PCDH11X: variants seen among roughly 807,000 people sequenced by gnomAD.
PCDH11X encodes the protein protocadherin 11 X-linked.
In PCDH11X, 18 loss-of-function variants were observed where a neutral mutation model predicts 53.3. That is an observed-to-expected ratio of 0.34 (90% CI 0.23 to 0.50). The LOEUF (loss-of-function observed/expected upper bound fraction) is 0.50. PCDH11X is among the 20% of genes least tolerant of loss of function. The pLI, the probability that PCDH11X is intolerant of heterozygous loss-of-function variation, is 0.98. For synonymous variants in PCDH11X, 279 were observed against 393.3 expected, an observed-to-expected ratio of 0.71 and a Z score of 3.44; for missense variants, 570 against 1,032.4, an observed-to-expected ratio of 0.55 and a Z score of 6.14.
intron 10 of PCDH11X, among the ~76,000 whole-genome samples, chrX:92,504,907 TG>T (rs1208430782): frequency 2.2e-5 from 2 of 91,935 alleles, no homozygotes; most frequent in Non-Finnish European, 4.8e-5. Context: ...TTCATATGCT[TG>T]TTGGCCAAGT....
At chrX:92,191,109 A>G (rs1035963317) in intron 6 of PCDH11X, among the ~76,000 whole-genome samples, 4 of 111,814 alleles carry the variant, frequency 3.6e-5, no homozygotes, top group Non-Finnish European at 7.5e-5. Flanking sequence ...ATTTGCCCCA[A>G]TTAAGCTAAC....
chrX:92,596,730 C>G (rs1317042428), intron 10 of PCDH11X, among the ~76,000 whole-genome samples: 1 of 109,521 alleles, frequency 9.1e-6, no homozygotes, highest in Non-Finnish European at 1.9e-5. Flanking sequence ...AGCATGATAA[C>G]AAAGCCAGTC....
At chrX:91,944,023 T>TTGTGTGTGTGTGTGTGTGTG (rs755497548) in intron 6 of PCDH11X, among the ~76,000 whole-genome samples, 7 of 63,939 alleles carry the variant, frequency 1.1e-4, no homozygotes, top group Non-Finnish European at 1.8e-4. Flanking sequence ...ATCTCCTGGA[T>TTGTGTGTGTGTGTGTGTGTG]TGTGTGTGTG....
chrX:92,458,500 A>AT (rs1439334462), intron 9 of PCDH11X, among the ~76,000 whole-genome samples: 1 of 111,163 alleles, frequency 9.0e-6, no homozygotes, highest in Non-Finnish European at 1.9e-5. Flanking sequence ...GTTTGTACAC[A>AT]TTAACTATCT....
intron 9 of PCDH11X, 77 bp downstream of exon 9, chrX:92,388,010 A>T: frequency 8.4e-7 from 1 of 1,186,377 alleles, no homozygotes; most frequent in Non-Finnish European, 1.1e-6. Context: ...AGCCATAATA[A>T]CATGGGCTAA....
chrX:92,188,449 A>T (rs764495), intron 6 of PCDH11X, among the ~76,000 whole-genome samples: 46,176 of 109,923 alleles, frequency 0.42, 6,974 homozygotes, highest in Admixed American at 0.6. Context: ...AAGAAAACTT[A>T]TCTTGAAGAT....
At chrX:91,960,793 T>C (rs2061777383) in intron 6 of PCDH11X, among the ~76,000 whole-genome samples, 1 of 111,191 alleles carries the variant, frequency 9.0e-6, no homozygotes, top group Non-Finnish European at 1.9e-5. Context: ...GGTGCACTTT[T>C]ATTTTGAGGG....
At chrX:91,911,532 A>T (rs1477033270) in intron 6 of PCDH11X, among the ~76,000 whole-genome samples, 1 of 106,992 alleles carries the variant, frequency 9.3e-6, no homozygotes, top group Non-Finnish European at 1.9e-5. Context: ...TCCCTTTGTT[A>T]TGCTATCAAG....
chrX:92,425,200 T>A (rs1168215319), intron 9 of PCDH11X, among the ~76,000 whole-genome samples: 1 of 111,067 alleles, frequency 9.0e-6, no homozygotes, highest in African/African-American at 3.3e-5. Context: ...GATGGACAAC[T>A]TGATTGCTAT....
chrX:91,787,046 T>C (rs1935358143), intron 1 of PCDH11X, among the ~76,000 whole-genome samples: 1 of 107,867 alleles, frequency 9.3e-6, no homozygotes, highest in South Asian at 4.2e-4. Flanking sequence ...TGATATTAAA[T>C]AAAATGGTAG....
rs746140845 is a variant in PCDH11X, at chrX:91,963,293, C to T, written c.3033+84020C>T. Reference sequence around the variant, plus strand: ...TTAATGCTTTTAACAGCACCCACATCACCTCTTGAATGATTTACTACTTAC... The same window carrying T: ...TTAATGCTTTTAACAGCACCCACATTACCTCTTGAATGATTTACTACTTAC... On this transcript the variant is annotated intron_variant, in intron 6 of 10. Coordinates refer to ENST00000682573, the MANE Select transcript of PCDH11X (RefSeq NM_032968.5). Among the ~76,000 whole-genome samples the T allele has an allele frequency of 9.0e-5, 10 of 111,227 alleles. No individual in the cohort carries two copies. In the South Asian group the frequency reaches 1.9e-3, roughly 21 times the overall value.
intron 7 of PCDH11X, among the ~76,000 whole-genome samples, chrX:92,230,885 A>G (rs1173192224): frequency 1.8e-5 from 2 of 110,544 alleles, no homozygotes; most frequent in African/African-American, 6.6e-5. Flanking sequence ...TAGCCATACT[A>G]CAGGAGAAAA....
chrX:92,111,868 T>C (rs1329649685), intron 6 of PCDH11X, among the ~76,000 whole-genome samples: 3 of 110,110 alleles, frequency 2.7e-5, no homozygotes, highest in African/African-American at 9.9e-5. Context: ...GCCATTCTCC[T>C]GCCTCAGCCT....
chrX:92,540,288 G>A (rs1305409789), intron 10 of PCDH11X, among the ~76,000 whole-genome samples: 1 of 109,535 alleles, frequency 9.1e-6, no homozygotes, highest in Non-Finnish European at 1.9e-5. Context: ...AGTCCTTCCT[G>A]CTTTTCCCTC....
intron 1 of PCDH11X, among the ~76,000 whole-genome samples, chrX:91,794,004 T>C (rs1935648014): frequency 9.0e-6 from 1 of 111,418 alleles, no homozygotes; most frequent in Non-Finnish European, 1.9e-5. Flanking sequence ...CAAACCCTGT[T>C]TAGTTTCTTT....
chrX:92,076,461 C>T (rs1260661118), intron 6 of PCDH11X, among the ~76,000 whole-genome samples: 2 of 104,660 alleles, frequency 1.9e-5, no homozygotes, highest in Non-Finnish European at 3.8e-5. Context: ...GGTCTGTGAT[C>T]GATTAAATAG....
At chrX:92,540,546 ACTC>A (rs1455150306) in intron 10 of PCDH11X, among the ~76,000 whole-genome samples, 1 of 101,398 alleles carries the variant, frequency 9.9e-6, no homozygotes, top group Non-Finnish European at 2.0e-5. Flanking sequence ...TTGTTGCTCT[ACTC>A]CACTGTGACC....
intron 10 of PCDH11X, among the ~76,000 whole-genome samples, chrX:92,483,186 A>G (rs935669291): frequency 1.8e-4 from 20 of 111,978 alleles, no homozygotes; most frequent in Non-Finnish European, 3.6e-4. Context: ...GTTTGACATC[A>G]TGATAATCCA....
chrX:91,875,036 A>G (rs1037085524), intron 5 of PCDH11X, among the ~76,000 whole-genome samples: 3 of 109,907 alleles, frequency 2.7e-5, no homozygotes, highest in African/African-American at 9.9e-5. Context: ...ATTTAGATGT[A>G]CATATGTGTA....
Sources: allele counts gnomAD v4.1 joint callset (sites outside exome capture counted in the v4.1 genomes callset), GRCh38; gene constraint gnomAD v4.1.1; transcripts MANE v1.5; gene names NCBI Gene and HGNC (gene_info 2026-07-23, HGNC 2026-07-21).